The following PLCL1 variants were observed in gnomAD, a reference collection of about 807,000 sequenced individuals.
The protein encoded by PLCL1 is inactive phospholipase C-like protein 1.
PLCL1 carries 41 observed loss-of-function variants against 84.4 expected under a neutral mutation model. The observed-to-expected ratio is 0.49, with a 90% confidence interval of 0.38 to 0.63. The LOEUF (loss-of-function observed/expected upper bound fraction) is 0.63, where lower values mean the gene tolerates loss of function less well. Among genes scored for constraint, PLCL1 ranks in the 30% least tolerant of loss-of-function variants. PLCL1 has a pLI of 0.00. For missense variants in PLCL1, 1,206 were observed against 1,367.8 expected (o/e 0.88, Z 1.87); for synonymous variants, 490 against 488.3 (o/e 1.00, Z -0.05).
At chr2:198,026,453 T>A (rs1301708115) in intron 1 of PLCL1, among the ~76,000 whole-genome samples, 1 of 152,172 alleles carries the variant, frequency 6.6e-6, no homozygotes, top group Non-Finnish European at 1.5e-5. Context: ...AACAGAGTAG[T>A]TGTTATCATT....
intron 5 of PLCL1, among the ~76,000 whole-genome samples, chr2:198,121,371 A>T (rs2105927933): frequency 6.6e-6 from 1 of 152,100 alleles, no homozygotes; most frequent in South Asian, 2.1e-4. Flanking sequence ...GTGGGGTATT[A>T]CTTAAGACAC....
chr2:198,094,183 T>G (rs2105906463), intron 3 of PLCL1, among the ~76,000 whole-genome samples: 1 of 152,094 alleles, frequency 6.6e-6, no homozygotes, highest in South Asian at 2.1e-4. Context: ...TGCCTCCGCC[T>G]CCCCAGTAGC....
intron 1 of PLCL1, among the ~76,000 whole-genome samples, chr2:197,939,335 G>A (rs551896053): frequency 6.6e-6 from 1 of 152,254 alleles, no homozygotes; most frequent in African/African-American, 2.4e-5. Context: ...CAGATCCAGG[G>A]TTGCCTCCGC....
intron 1 of PLCL1, among the ~76,000 whole-genome samples, chr2:197,942,234 T>C (rs1314707983): frequency 1.3e-5 from 2 of 152,202 alleles, no homozygotes; most frequent in Non-Finnish European, 2.9e-5. Context: ...CCACTTTTGC[T>C]TTTCAATCAG....
intron 1 of PLCL1, among the ~76,000 whole-genome samples, chr2:197,913,802 A>G (rs1335228088): frequency 1.3e-5 from 2 of 152,174 alleles, no homozygotes; most frequent in African/African-American, 4.8e-5. Context: ...ATGGTAGTTT[A>G]GGGTTCAGCC....
At chr2:198,036,981 G>A (rs975860878) in intron 1 of PLCL1, among the ~76,000 whole-genome samples, 2 of 152,126 alleles carry the variant, frequency 1.3e-5, no homozygotes, top group Admixed American at 6.6e-5. Flanking sequence ...TAAATCAACA[G>A]GTGGACACTG....
At chr2:197,978,891 T>C (rs1690044434) in intron 1 of PLCL1, among the ~76,000 whole-genome samples, 1 of 152,202 alleles carries the variant, frequency 6.6e-6, no homozygotes, top group Admixed American at 6.5e-5. Flanking sequence ...AGAAAACCCA[T>C]GCAGATATGG....
chr2:197,918,969 C>CTCTCTCTCTCTCTCTCTCTCTCTCT (rs1369678298), intron 1 of PLCL1, among the ~76,000 whole-genome samples: 2 of 146,868 alleles, frequency 1.4e-5, no homozygotes, highest in Admixed American at 1.4e-4. Flanking sequence ...TCTCTCTCTC[C>CTCTCTCTCTCTCTCTCTCTCTCTCT]CTCACACACA....
chr2:197,958,027 T>C (rs548323557), intron 1 of PLCL1, among the ~76,000 whole-genome samples: 2 of 152,250 alleles, frequency 1.3e-5, no homozygotes, highest in South Asian at 2.1e-4. Flanking sequence ...AAGACCATCA[T>C]ATTTCTGGCT....
intron 1 of PLCL1, among the ~76,000 whole-genome samples, chr2:197,883,042 G>A (rs1170303640): frequency 6.6e-6 from 1 of 152,140 alleles, no homozygotes. Context: ...AACTTGATGG[G>A]GGAGTAGGTG....
chr2:198,004,687 A>C (rs371571589), intron 1 of PLCL1, among the ~76,000 whole-genome samples: 1 of 152,352 alleles, frequency 6.6e-6, no homozygotes. Context: ...TAAATCTTAA[A>C]TACTGGAAAG....
At chr2:198,119,157 A>G (rs1465935853) in intron 5 of PLCL1, among the ~76,000 whole-genome samples, 1 of 152,024 alleles carries the variant, frequency 6.6e-6, no homozygotes, top group Non-Finnish European at 1.5e-5. Flanking sequence ...TTGACAACAG[A>G]AACTGTAGGC....
In PLCL1 at chr2:198,085,326, T is replaced by C. The variant is rs767561346; in HGVS notation, c.1809T>C (p.Ser603=). The change falls in exon 2 of 6, where the codon TCT becomes TCC. Residue 603 remains serine, a synonymous_variant. Coordinates refer to ENST00000428675, the MANE Select transcript of PLCL1 (RefSeq NM_006226.4). The surrounding 1 kb of genome is among the most constrained non-coding windows in gnomAD (Gnocchi z 5.3). ...TTCAATACAGGGATTTTGAACTATC[T>C]ATGAAAAGCCAAAACTATTGGGAAA... The part of the protein sequence containing the change: ...KSVQYRDFEL[S]MKSQNYWEMC... 1.5e-5 allele frequency: 24 copies of C among 1,613,628 alleles called. No homozygotes were observed. The highest frequency in any genetic ancestry group is 2.0e-5 in the Non-Finnish European group (24 of 1,179,754).
intron 1 of PLCL1, among the ~76,000 whole-genome samples, chr2:197,989,499 G>T (rs1433892357): frequency 1.3e-5 from 2 of 152,138 alleles, no homozygotes; most frequent in African/African-American, 4.8e-5. Flanking sequence ...TGACTTCCAG[G>T]CTAGATAATT....
intron 1 of PLCL1, among the ~76,000 whole-genome samples, chr2:197,903,269 A>G (rs1035683627): frequency 8.5e-5 from 13 of 152,158 alleles, no homozygotes; most frequent in African/African-American, 2.9e-4. Context: ...CACAGACACT[A>G]TGCAAACGCA....
At chr2:197,841,819 C>T (rs1057104463) in intron 1 of PLCL1, among the ~76,000 whole-genome samples, 31 of 152,058 alleles carry the variant, frequency 2.0e-4, no homozygotes, top group African/African-American at 6.5e-4. Flanking sequence ...TAAATACTTG[C>T]GGATTTGAAG....
At position 198,147,201 on chromosome 2, in the gene PLCL1, A is replaced by AGTGTGT; in HGVS notation, c.*240_*241insTGTGTG. ...ACACCCCTGTGTGGATGCCTGTGGAAGAGTGTGTGTGTGTGTGTGTGTGTG... is the reference window on the plus strand; with the variant it reads ...ACACCCCTGTGTGGATGCCTGTGGAAGTGTGTGAGTGTGTGTGTGTGTGTGTGTGTG... On this transcript the variant is annotated 3_prime_UTR_variant, in exon 6 of 6. Transcript: ENST00000428675. 1 of 167,112 alleles carries AGTGTGT rather than the reference A, an allele frequency of 6.0e-6. No homozygotes were observed. The highest frequency in any genetic ancestry group is 1.0e-5 in the Non-Finnish European group (1 of 98,484). The allele number at this position is 167,112 out of a possible 1,614,324, so 10.4% of individuals were successfully genotyped here. A position where few individuals can be genotyped will look rare whatever the true frequency, so the allele number is the denominator to read the frequency against.
chr2:197,919,572 T>G (rs1487577122), intron 1 of PLCL1, among the ~76,000 whole-genome samples: 1 of 152,252 alleles, frequency 6.6e-6, no homozygotes, highest in Non-Finnish European at 1.5e-5. Context: ...TTTGGCTGTC[T>G]GCCTTCCTAA....
At chr2:198,137,254 A>G (rs892257103) in intron 5 of PLCL1, among the ~76,000 whole-genome samples, 3 of 152,112 alleles carry the variant, frequency 2.0e-5, no homozygotes, top group Admixed American at 6.5e-5. Context: ...AACCTGGGCA[A>G]TGTATTTTTT....
Sources: gnomAD v4.1 joint callset for allele counts (sites outside exome capture counted in the v4.1 genomes callset) on GRCh38, gnomAD v4.1.1 for gene constraint, Gnocchi (gnomAD v3.1) non-coding constraint, MANE v1.5 for transcripts, NCBI Gene and HGNC (gene_info 2026-07-23, HGNC 2026-07-21) for gene names.